GFPT2: variants seen among roughly 807,000 people sequenced by gnomAD.
GFPT2 encodes glutamine--fructose-6-phosphate aminotransferase [isomerizing] 2.
A neutral mutation model predicts 85.6 loss-of-function variants in GFPT2; 62 were observed. The ratio of observed to expected loss-of-function variants is 0.72; its 90% confidence interval spans 0.59 to 0.90. The LOEUF is 0.90. Ranked by LOEUF, GFPT2 falls within the 40% of genes least tolerant of loss-of-function variation. GFPT2 has a pLI of 0.00. For missense variants in GFPT2, 788 were observed against 893.4 expected, an observed-to-expected ratio of 0.88 and a Z score of 1.50; for synonymous variants, 368 against 344.5, an observed-to-expected ratio of 1.07 and a Z score of -0.75.
At chr5:180,333,239 C>T (rs1315174788) in intron 4 of GFPT2, among the ~76,000 whole-genome samples, 4 of 148,014 alleles carry the variant, frequency 2.7e-5, no homozygotes, top group African/African-American at 7.4e-5. Flanking sequence ...CTTTTTCTTT[C>T]TTTTTTTTTT....
In GFPT2 at chr5:180,316,952, G is replaced by A. The variant is rs746917880; in HGVS notation, c.1054+11C>T. 6.3e-7 allele frequency: 1 copy of A among 1,579,410 alleles called. No individual in the cohort carries two copies. Among genetic ancestry groups the A allele is most frequent in the Non-Finnish European group, 8.7e-7 (1 of 1,148,360 alleles). ...CTCGGGCGGAGGCTCCCCACCGAGT[G>A]TAGGAATTACCTGTGTTGGTTTCAA... On this transcript the variant is annotated intron_variant, in intron 11 of 18. Transcript: ENST00000253778.
chr5:180,352,411 G>C, intron 1 of GFPT2: 1 of 454,502 alleles, frequency 2.2e-6, no homozygotes, highest in Non-Finnish European at 4.4e-6. Flanking sequence ...CTCCCGGCCA[G>C]CGGAGGCGGC....
chr5:180,311,438 C>A (rs1763879154), intron 15 of GFPT2, among the ~76,000 whole-genome samples: 1 of 152,222 alleles, frequency 6.6e-6, no homozygotes, highest in South Asian at 2.1e-4. Context: ...CCAAGGAGGT[C>A]ATGATTTAGT....
rs773056613 is a variant in GFPT2 at position 180,330,441 on chromosome 5, G to A, written c.534+259C>T. On this transcript the variant is annotated intron_variant, in intron 6 of 18. Transcript: ENST00000253778. The surrounding 1 kb of genome is among the most constrained non-coding windows in gnomAD (Gnocchi z 4.4). ...GACTCTAATGCCAGTCACAATTTCAGAAGTGTCACGATGAAGCAGGGCACT... is the reference window on the plus strand; with the variant it reads ...GACTCTAATGCCAGTCACAATTTCAAAAGTGTCACGATGAAGCAGGGCACT... 1.3e-5 allele frequency among the ~76,000 whole-genome samples: 2 copies of A among 152,190 alleles called. No homozygotes were observed. The highest frequency in any genetic ancestry group is 2.9e-5 in the Non-Finnish European group (2 of 68,040).
chr5:180,325,448 G>T (rs1764197174), intron 7 of GFPT2, among the ~76,000 whole-genome samples: 1 of 152,160 alleles, frequency 6.6e-6, no homozygotes, highest in Non-Finnish European at 1.5e-5. Context: ...TTCTTGGGTG[G>T]TTTTTTGTCT....
intron 1 of GFPT2, among the ~76,000 whole-genome samples, chr5:180,346,415 C>G (rs1764609363): frequency 6.6e-6 from 1 of 152,202 alleles, no homozygotes; most frequent in Admixed American, 6.5e-5. Flanking sequence ...GAGCCAAGCC[C>G]CACCACGGGA....
chr5:180,342,228 C>T (rs890655029), intron 1 of GFPT2, among the ~76,000 whole-genome samples: 6 of 152,162 alleles, frequency 3.9e-5, no homozygotes, highest in Admixed American at 2.6e-4. Context: ...GTCTTGGGCA[C>T]GTCTTTATCA....
Position 180,312,958 on chromosome 5 carries a change from G to A in GFPT2, c.1432-414C>T, listed in dbSNP as rs34735703. On this transcript the variant is annotated intron_variant, in intron 14 of 18. Coordinates refer to ENST00000253778, the MANE Select transcript of GFPT2 (RefSeq NM_005110.4). ...CACCCGACTAATTTTTGTGTTTTTA[G>A]TAGAGACGGGGTTTCACCGTGTTAG... Among the ~76,000 whole-genome samples the A allele has an allele frequency of 9.8e-3, 1,497 of 152,026 alleles. 47 individuals are homozygous for A. Among genetic ancestry groups the A allele is most frequent in the East Asian group, 0.098 (501 of 5,104 alleles).
chr5:180,315,805 T>C (rs937099094), intron 13 of GFPT2, among the ~76,000 whole-genome samples: 7 of 152,190 alleles, frequency 4.6e-5, no homozygotes, highest in Non-Finnish European at 1.0e-4. Context: ...TGGCACCAGA[T>C]GGGGTGCATG....
At chr5:180,327,360 C>T (rs1296228450) in intron 7 of GFPT2, among the ~76,000 whole-genome samples, 3 of 152,222 alleles carry the variant, frequency 2.0e-5, no homozygotes, top group South Asian at 2.1e-4. Flanking sequence ...AGAACGCCTC[C>T]GTCCCACCAA....
chr5:180,348,190 C>A (rs1365147516), intron 1 of GFPT2, among the ~76,000 whole-genome samples: 1 of 152,260 alleles, frequency 6.6e-6, no homozygotes, highest in African/African-American at 2.4e-5. Context: ...AGGTCCCAAA[C>A]TGGATTACTT....
rs1764415249 is a variant in GFPT2 at position 180,336,957 on chromosome 5, TG to T, written c.116-381del. ...TTCGTTGGTATCTCCACTGCGTTAG[TG>T]TTCCTCCCGTCGTCTATCGGACGTG... On this transcript the variant is annotated intron_variant, in intron 2 of 18. Transcript: ENST00000253778. 2.0e-5 allele frequency among the ~76,000 whole-genome samples: 3 copies of T among 152,272 alleles called. No homozygotes were observed. The South Asian group carries it at 6.2e-4, about 31-fold the overall frequency.
intron 7 of GFPT2, 76 bp from the exon 8 acceptor site, chr5:180,324,971 T>C (rs1401603204): frequency 3.3e-6 from 3 of 910,844 alleles, no homozygotes; most frequent in African/African-American, 1.6e-5. Flanking sequence ...GCATCTGAGG[T>C]AGGATCCCCA....
At chr5:180,319,024 T>A in intron 9 of GFPT2, 68 bp from the exon 10 acceptor site, 2 of 1,510,228 alleles carry the variant, frequency 1.3e-6, no homozygotes, top group South Asian at 2.3e-5. Flanking sequence ...AGCCCCTTGC[T>A]GGTTCCCAAG....
chr5:180,307,378 G>A, intron 15 of GFPT2, 75 bp from the exon 16 acceptor site: 1 of 1,487,062 alleles, frequency 6.7e-7, no homozygotes, highest in Admixed American at 1.7e-5. Flanking sequence ...GACAAATGCT[G>A]GGGTTTAAGA....
At chr5:180,316,531 C>T in intron 12 of GFPT2, 70 bp from the exon 13 acceptor site, 1 of 1,552,874 alleles carries the variant, frequency 6.4e-7, no homozygotes, top group Admixed American at 1.7e-5. Flanking sequence ...GGCAGCTGGG[C>T]TTCTAGGGAC....
Position 180,313,981 on chromosome 5 carries a change from C to T in GFPT2, c.1274-17G>A. 1 of 1,582,176 alleles carries T rather than the reference C, an allele frequency of 6.3e-7. No homozygotes were observed. Among genetic ancestry groups the T allele is most frequent in the Non-Finnish European group, 8.5e-7 (1 of 1,170,522 alleles). On this transcript the variant is annotated splice_polypyrimidine_tract_variant and intron_variant, in intron 13 of 18. Coordinates refer to ENST00000253778, the MANE Select transcript of GFPT2 (RefSeq NM_005110.4). ...CGGTCTCGCCTGCCGCCCAGGGGCC[C>T]TCTCAGTGCCGCGCTCCGCCAGCCT...
At chr5:180,331,192 C>T (rs1056203491) in intron 5 of GFPT2, among the ~76,000 whole-genome samples, 20 of 152,346 alleles carry the variant, frequency 1.3e-4, no homozygotes, top group Admixed American at 9.8e-4. Context: ...CCAACTCCGC[C>T]GGTATACGAG....
intron 9 of GFPT2, among the ~76,000 whole-genome samples, chr5:180,320,907 A>G (rs1764106259): frequency 6.6e-6 from 1 of 152,246 alleles, no homozygotes; most frequent in African/African-American, 2.4e-5. Context: ...GCCAGATCCT[A>G]GGGAAGAAAG....
Sources: allele counts gnomAD v4.1 joint callset (sites outside exome capture counted in the v4.1 genomes callset), GRCh38; gene constraint gnomAD v4.1.1; non-coding constraint Gnocchi (gnomAD v3.1); transcripts MANE v1.5; gene names NCBI Gene and HGNC (gene_info 2026-07-23, HGNC 2026-07-21).